Variants in NRDE2 observed in about 807,000 individuals in gnomAD.
The protein encoded by NRDE2 is NRDE-2, necessary for RNA interference, domain containing.
Under a neutral mutation model 124.2 loss-of-function variants are expected in NRDE2, and 76 were observed. The observed-to-expected ratio is 0.61, with a 90% confidence interval of 0.51 to 0.74. NRDE2 has a LOEUF of 0.74. Ranked by LOEUF, NRDE2 falls within the 30% of genes least tolerant of loss-of-function variation. The pLI is 0.00. For synonymous variants in NRDE2, 489 were observed against 528.1 expected, an observed-to-expected ratio of 0.93 and a Z score of 1.01; for missense variants, 1,314 against 1,417.3, an observed-to-expected ratio of 0.93 and a Z score of 1.17.
rs1884517808 is a variant in NRDE2 at position 90,304,248 on chromosome 14, AATCCC to A, written c.687_691del (p.Gly230AsnfsTer9). 1 of 1,614,158 alleles carries A rather than the reference AATCCC, an allele frequency of 6.2e-7. No homozygotes were observed. The highest frequency in any genetic ancestry group is 8.5e-7 in the Non-Finnish European group (1 of 1,180,026). ...AATGGCAACTCCATCGATGTTCATT[AATCCC>A]ACACTCTTCTTAGTAAAATAGCGTT... On this transcript the variant is annotated frameshift_variant, in exon 5 of 14. Coordinates refer to ENST00000354366, the MANE Select transcript of NRDE2 (RefSeq NM_017970.4). LOFTEE classifies it high-confidence loss of function.
At chr14:90,286,254 T>C in intron 12 of NRDE2, 100 bp downstream of exon 12, 1 of 1,372,410 alleles carries the variant, frequency 7.3e-7, no homozygotes, top group Non-Finnish European at 9.8e-7. Flanking sequence ...CTCCCAGCTC[T>C]CCTGGGCAGG....
intron 5 of NRDE2, 36 bp from the exon 6 acceptor site, chr14:90,303,161 G>A (rs750422830): frequency 3.8e-6 from 6 of 1,568,248 alleles, no homozygotes; most frequent in East Asian, 2.3e-5. Context: ...AAATGCAAAT[G>A]GACCTGGGAG....
chr14:90,317,802 C>G (rs1442369862), intron 2 of NRDE2: 2 of 453,784 alleles, frequency 4.4e-6, no homozygotes, highest in Admixed American at 4.0e-5. Flanking sequence ...CAGGCACTAA[C>G]TGTGTCATGT....
chr14:90,286,263 G>C (rs1345853494), intron 12 of NRDE2, 91 bp downstream of exon 12: 1 of 1,436,986 alleles, frequency 7.0e-7, no homozygotes, highest in African/African-American at 1.4e-5. Context: ...CTCCTGGGCA[G>C]GGGCTACTTC....
At chr14:90,301,164 A>G in intron 7 of NRDE2, 75 bp downstream of exon 7, 1 of 1,484,760 alleles carries the variant, frequency 6.7e-7, no homozygotes, top group Admixed American at 1.7e-5. Flanking sequence ...ACCACCTCTC[A>G]TTATCCACAC....
Position 90,269,594 on chromosome 14 carries a change from ATTTGTG to A in NRDE2, c.*8736_*8741del, listed in dbSNP as rs1891608141. 1 of 1,588,470 alleles carries A rather than the reference ATTTGTG, an allele frequency of 6.3e-7. No individual in the cohort carries two copies. Among genetic ancestry groups the A allele is most frequent in the African/African-American group, 1.3e-5 (1 of 74,262 alleles). On this transcript the variant is annotated 3_prime_UTR_variant, in exon 14 of 14. Transcript: ENST00000354366. ...ATCATGGAGATTAATGTGTTTATAT[ATTTGTG>A]TTTAAGTGTGCTTTGGGAGGCCTAT... is the stretch of plus-strand genomic sequence containing the variant.
chr14:90,309,401 A>AGGCGGAGG (rs1244755062), intron 4 of NRDE2, among the ~76,000 whole-genome samples: 1 of 145,434 alleles, frequency 6.9e-6, no homozygotes, highest in Non-Finnish European at 1.5e-5. Flanking sequence ...TGAACCTGGC[A>AGGCGGAGG]GGCGGAGGTT....
At position 90,312,513 on chromosome 14, in the gene NRDE2, T is replaced by A; in HGVS notation, c.438A>T (p.Gly146=). The change falls in exon 4 of 14, where the codon GGA becomes GGT. Residue 146 remains glycine, a synonymous_variant. Transcript: ENST00000354366. ...NQGNNAAADT[G]HRFVWLEDIQ... Reference sequence around the variant, plus strand: ...TGTCCTCAAGCCAAACAAAGCGATGTCCAGTATCAGCTGCAGCATTATTTC... The same window carrying A: ...TGTCCTCAAGCCAAACAAAGCGATGACCAGTATCAGCTGCAGCATTATTTC... 6.2e-7 allele frequency: 1 copy of A among 1,614,060 alleles called. No homozygotes were observed. Among genetic ancestry groups the A allele is most frequent in the Non-Finnish European group, 8.5e-7 (1 of 1,179,996 alleles).
chr14:90,329,835 CA>C (rs1173430522), intron 1 of NRDE2, among the ~76,000 whole-genome samples: 796 of 56,148 alleles, frequency 0.014, 18 homozygotes, highest in Non-Finnish European at 0.016. Flanking sequence ...GAGACTGCCT[CA>C]AAAAAAAAAA....
At position 90,273,864 on chromosome 14, in the gene NRDE2, T is replaced by TC. The variant is rs373243301; in HGVS notation, c.*4471dup. 11 of 154,960 alleles carry TC rather than the reference T, an allele frequency of 7.1e-5. No individual in the cohort carries two copies. Among genetic ancestry groups the TC allele is most frequent in the African/African-American group, 2.6e-4 (11 of 41,512 alleles). 9.6% of individuals were successfully genotyped at this position (154,960 alleles called of 1,614,324 possible). A position where few individuals can be genotyped will look rare whatever the true frequency, so the allele number is the denominator to read the frequency against. Reference sequence around the variant, plus strand: ...TTTCCACCAGCAGCAGCAGGCCCAGTCCCTCTCTCCCACCGACCCTTCTTT... The same window carrying TC: ...TTTCCACCAGCAGCAGCAGGCCCAGTCCCCTCTCTCCCACCGACCCTTCTTT... On this transcript the variant is annotated 3_prime_UTR_variant, in exon 14 of 14. Transcript: ENST00000354366.
At position 90,286,342 on chromosome 14, in the gene NRDE2, A is replaced by G. The variant is rs371946013; in HGVS notation, c.3297+12T>C. The G allele has an allele frequency of 8.7e-6, 14 of 1,611,278 alleles. No homozygotes were observed. Among genetic ancestry groups the G allele is most frequent in the African/African-American group, 5.3e-5 (4 of 74,796 alleles). ...CTCTGCATGAACACAAAACATCTCA[A>G]TATTTTCTTACCAGAAAGTTCAAAT... is the stretch of plus-strand genomic sequence containing the variant. On this transcript the variant is annotated intron_variant, in intron 12 of 13. Transcript: ENST00000354366.
chr14:90,285,270 T>TAAAAAAA (rs796590562), intron 12 of NRDE2, among the ~76,000 whole-genome samples: 1 of 106,050 alleles, frequency 9.4e-6, no homozygotes, highest in Admixed American at 1.2e-4. Context: ...GACCTTGTCT[T>TAAAAAAA]AAAAAAAAAA....
At chr14:90,292,556 A>G (rs1892298942) in intron 9 of NRDE2, 141 bp downstream of exon 9, 6 of 826,702 alleles carry the variant, frequency 7.3e-6, no homozygotes, top group African/African-American at 1.7e-5. Flanking sequence ...AGATGAGAAC[A>G]GGAGCAGGTT....
chr14:90,312,329 G>T lies in NRDE2; in HGVS notation c.557+65C>A, dbSNP rs1884872182. ...GAAACAGGCAGGCAGACAGTGCCAA[G>T]AGAGTTCCGAGGAGAAAAAAGTCAC... On this transcript the variant is annotated intron_variant, in intron 4 of 13. Transcript: ENST00000354366. The T allele has an allele frequency of 7.3e-6, 11 of 1,514,250 alleles. No individual in the cohort carries two copies. In the Admixed American group the frequency reaches 1.7e-4, roughly 23 times the overall value. 93.8% of individuals were successfully genotyped at this position (1,514,250 alleles called of 1,614,324 possible).
chr14:90,326,247 C>A (rs936006580), intron 1 of NRDE2, among the ~76,000 whole-genome samples: 2 of 152,130 alleles, frequency 1.3e-5, no homozygotes, highest in African/African-American at 2.4e-5. Context: ...GTAATCCCAG[C>A]ACTTTGGGAG....
Position 90,268,575 on chromosome 14 carries a change from A to T in NRDE2, c.*9761T>A, listed in dbSNP as rs1891578419. The T allele has an allele frequency of 1.5e-6, 1 of 662,176 alleles. No individual in the cohort carries two copies. The highest frequency in any genetic ancestry group is 2.6e-6 in the Non-Finnish European group (1 of 386,272). 41.0% of individuals were successfully genotyped at this position (662,176 alleles called of 1,614,324 possible). ...GCTCTGCTCTCCCAGGAGCCAGCTA[A>T]CAACTGCCCAGTAACTGTGAACGTC... On this transcript the variant is annotated 3_prime_UTR_variant, in exon 14 of 14. Transcript: ENST00000354366.
rs1187199740 is a variant in NRDE2, at chr14:90,272,546, A to C, written c.*5790T>G. ...AACATCCTGTGTCTTTTGGAGTACG[A>C]TGTGTAAGTGCCCATTGGGTGGCCT... On this transcript the variant is annotated 3_prime_UTR_variant, in exon 14 of 14. Transcript: ENST00000354366. The surrounding 1 kb of genome is among the most constrained non-coding windows in gnomAD (Gnocchi z 4.5). 1 of 599,250 alleles carries C rather than the reference A, an allele frequency of 1.7e-6. No homozygotes were observed. The highest frequency in any genetic ancestry group is 3.0e-6 in the Non-Finnish European group (1 of 335,954). 37.1% of individuals were successfully genotyped at this position (599,250 alleles called of 1,614,324 possible). A position where few individuals can be genotyped will look rare whatever the true frequency, so the allele number is the denominator to read the frequency against.
intron 4 of NRDE2, among the ~76,000 whole-genome samples, chr14:90,310,528 T>A (rs1411994772): frequency 6.6e-6 from 1 of 151,642 alleles, no homozygotes; most frequent in Non-Finnish European, 1.5e-5. Context: ...GCCCTTTTTT[T>A]TTTTTTTTTT....
chr14:90,292,685 G>A lies in NRDE2; in HGVS notation c.1842+12C>T. 1 of 1,606,778 alleles carries A rather than the reference G, an allele frequency of 6.2e-7. No homozygotes were observed. Among genetic ancestry groups the A allele is most frequent in the African/African-American group, 1.3e-5 (1 of 74,944 alleles). ...CCTGGACAGCTTCCTGCCTGGGGCG[G>A]AGGATACATGCCTGTCTCTCGGGAT... On this transcript the variant is annotated intron_variant, in intron 9 of 13. Coordinates refer to ENST00000354366, the MANE Select transcript of NRDE2 (RefSeq NM_017970.4).
Sources: gnomAD v4.1 joint callset for allele counts (sites outside exome capture counted in the v4.1 genomes callset) on GRCh38, gnomAD v4.1.1 for gene constraint, Gnocchi (gnomAD v3.1) non-coding constraint, MANE v1.5 for transcripts, NCBI Gene and HGNC (gene_info 2026-07-23, HGNC 2026-07-21) for gene names.